Variants in CSMD1 observed in about 807,000 individuals in gnomAD.
The protein encoded by CSMD1 is CUB and sushi domain-containing protein 1.
Under a neutral mutation model 417.5 loss-of-function variants are expected in CSMD1, and 213 were observed. That is an observed-to-expected ratio of 0.51 (90% confidence interval 0.46 to 0.57). The LOEUF (loss-of-function observed/expected upper bound fraction) is 0.57. Among genes scored for constraint, CSMD1 ranks in the 20% least tolerant of loss-of-function variants. The pLI, the probability that CSMD1 is intolerant of heterozygous loss-of-function variation, is 0.00. For synonymous variants in CSMD1, 2,862 were observed against 1,736.8 expected (o/e 1.65, Z -16.11); for missense variants, 6,923 against 4,529.7 (o/e 1.53, Z -15.17).
At position 4,637,474 on chromosome 8, in the gene CSMD1, T is replaced by C. The variant is rs760338470; in HGVS notation, c.170A>G (p.Asn57Ser). 50 of 1,613,766 alleles carry C rather than the reference T, an allele frequency of 3.1e-5. No homozygotes were observed. Among genetic ancestry groups the C allele is most frequent in the African/African-American group, 5.3e-5 (4 of 74,882 alleles). Reference sequence around the variant, plus strand: ...GCCCGTGATGATGATCCAGGTGCAGTTGGCATAGTTCGGATACCCGTGAGG... The same window carrying C: ...GCCCGTGATGATGATCCAGGTGCAGCTGGCATAGTTCGGATACCCGTGAGG... ...GFPHGYPNYA[N>S]CTWIIITGER... Residue 57 changes from asparagine to serine, a missense_variant, in exon 2 of 70, where the codon AAC (asparagine) becomes AGC (serine). By Grantham distance (46) the Asn-to-Ser change is conservative. Transcript: ENST00000635120.
intron 8 of CSMD1, among the ~76,000 whole-genome samples, chr8:3,605,866 GCTTAA>G (rs1486092433): frequency 5.9e-5 from 9 of 152,160 alleles, no homozygotes; most frequent in Non-Finnish European, 7.3e-5. Context: ...GATGAGCAGT[GCTTAA>G]CTTAATTGGT....
At chr8:4,434,723 C>G (rs1490714679) in intron 2 of CSMD1, among the ~76,000 whole-genome samples, 1 of 152,160 alleles carries the variant, frequency 6.6e-6, no homozygotes, top group Non-Finnish European at 1.5e-5. Context: ...CCTGACAGTG[C>G]TCATCCGGTG....
chr8:3,447,684 G>T (rs1395130012), intron 12 of CSMD1, among the ~76,000 whole-genome samples: 1 of 152,194 alleles, frequency 6.6e-6, no homozygotes, highest in African/African-American at 2.4e-5. Context: ...GAAGGGCTCT[G>T]CTCCCACTTC....
chr8:3,341,197 G>T (rs150356400), intron 23 of CSMD1, among the ~76,000 whole-genome samples: 1 of 152,072 alleles, frequency 6.6e-6, no homozygotes, highest in African/African-American at 2.4e-5. Flanking sequence ...GGGTGAGGGA[G>T]GGTGGACATC....
chr8:3,401,355 G>T (rs1243420159), intron 15 of CSMD1, among the ~76,000 whole-genome samples: 1 of 152,030 alleles, frequency 6.6e-6, no homozygotes, highest in African/African-American at 2.4e-5. Flanking sequence ...CTTGGAATAT[G>T]TCTAACTTGC....
chr8:3,359,215 T>C lies in CSMD1; in HGVS notation c.3241A>G (p.Thr1081Ala). The change falls in exon 21 of 70, where the codon ACC (threonine) becomes GCC (alanine). Residue 1081 changes from threonine (T) to alanine (A), a missense_variant. Coordinates refer to ENST00000635120, the MANE Select transcript of CSMD1 (RefSeq NM_033225.6). ...CFLGYRLEGA[T>A]KLTCLGGGRR... ...CCCCCACCCAGGCAGGTAAGCTTGG[T>C]GGCACCTTCTAAACGATATCCCAGG... The C allele has an allele frequency of 1.9e-6, 3 of 1,613,936 alleles. No individual in the cohort carries two copies.
At chr8:3,990,216 T>G (rs1220996918) in intron 5 of CSMD1, among the ~76,000 whole-genome samples, 2 of 152,230 alleles carry the variant, frequency 1.3e-5, no homozygotes, top group Non-Finnish European at 2.9e-5. Flanking sequence ...CAACAGGTAT[T>G]TCATAGTTGA....
Position 4,525,769 on chromosome 8 carries a change from A to G in CSMD1, c.303-105704T>C, listed in dbSNP as rs906077853. On this transcript the variant is annotated intron_variant, in intron 2 of 69. Transcript: ENST00000635120. ...AATGCTTATTTCACAAGGACAATCAATAGCCAGCATTCCACACAGGGACAT... is the reference window on the plus strand; with the variant it reads ...AATGCTTATTTCACAAGGACAATCAGTAGCCAGCATTCCACACAGGGACAT... 2.6e-5 allele frequency among the ~76,000 whole-genome samples: 4 copies of G among 152,326 alleles called. No homozygotes were observed. In the Middle Eastern group the frequency reaches 0.01, roughly 389 times the overall value.
chr8:3,026,042 T>A (rs982739129), intron 51 of CSMD1, among the ~76,000 whole-genome samples: 1 of 151,924 alleles, frequency 6.6e-6, no homozygotes, highest in African/African-American at 2.4e-5. Flanking sequence ...TCCCCCTGAG[T>A]GAGGGCAGAA....
At chr8:3,282,612 G>C (rs1430684579) in intron 26 of CSMD1, among the ~76,000 whole-genome samples, 2 of 152,022 alleles carry the variant, frequency 1.3e-5, no homozygotes, top group Non-Finnish European at 2.9e-5. Context: ...AGGATAGTTG[G>C]AACACTCTTA....
intron 2 of CSMD1, among the ~76,000 whole-genome samples, chr8:4,556,887 G>A (rs1288492480): frequency 1.3e-5 from 2 of 152,074 alleles, no homozygotes. Context: ...CAAACTCCCT[G>A]CAAAATCAAA....
chr8:3,375,468 G>C (rs2116741121), intron 18 of CSMD1, among the ~76,000 whole-genome samples: 2 of 152,026 alleles, frequency 1.3e-5, no homozygotes, highest in Admixed American at 1.3e-4. Flanking sequence ...GACTTAATGA[G>C]TTACTTTCCA....
At chr8:4,253,309 T>C (rs945250208) in intron 3 of CSMD1, among the ~76,000 whole-genome samples, 1 of 152,178 alleles carries the variant, frequency 6.6e-6, no homozygotes, top group Non-Finnish European at 1.5e-5. Context: ...AATATTCATG[T>C]TTTGTCTCTT....
intron 9 of CSMD1, among the ~76,000 whole-genome samples, chr8:3,575,605 G>T (rs908976968): frequency 6.6e-6 from 1 of 152,082 alleles, no homozygotes; most frequent in African/African-American, 2.4e-5. Context: ...AGTCACTTTC[G>T]AGCTTTAGAT....
intron 7 of CSMD1, among the ~76,000 whole-genome samples, chr8:3,646,203 A>G (rs1166296358): frequency 6.6e-6 from 1 of 152,160 alleles, no homozygotes; most frequent in Non-Finnish European, 1.5e-5. Context: ...TTATTTTATC[A>G]TATTTGAATA....
chr8:3,660,759 G>A (rs1307332055), intron 7 of CSMD1, among the ~76,000 whole-genome samples: 1 of 152,020 alleles, frequency 6.6e-6, no homozygotes, highest in Non-Finnish European at 1.5e-5. Context: ...GACCTCAAAT[G>A]ATCCACACAC....
chr8:4,279,498 C>G (rs115810149), intron 3 of CSMD1, among the ~76,000 whole-genome samples: 34 of 152,264 alleles, frequency 2.2e-4, no homozygotes, highest in African/African-American at 7.7e-4. Flanking sequence ...GGAATACTGA[C>G]TTTATTACTC....
chr8:3,850,193 C>T (rs1170023975), intron 5 of CSMD1, among the ~76,000 whole-genome samples: 4 of 152,228 alleles, frequency 2.6e-5, no homozygotes, highest in African/African-American at 4.8e-5. Flanking sequence ...AATTTTGAGA[C>T]TGTTTACACT....
intron 3 of CSMD1, among the ~76,000 whole-genome samples, chr8:4,119,345 G>A (rs1389788625): frequency 6.6e-6 from 1 of 152,120 alleles, no homozygotes; most frequent in Non-Finnish European, 1.5e-5. Context: ...ATCCACAGCA[G>A]GGAATGCTAA....
Sources: gnomAD v4.1 joint callset for allele counts (sites outside exome capture counted in the v4.1 genomes callset) on GRCh38, gnomAD v4.1.1 for gene constraint, MANE v1.5 for transcripts, NCBI Gene and HGNC (gene_info 2026-07-23, HGNC 2026-07-21) for gene names.